The following C1QTNF7 variants were observed in gnomAD, a reference collection of about 807,000 sequenced individuals.
The protein encoded by C1QTNF7 is C1q and TNF related 7.
Under a neutral mutation model 19.6 loss-of-function variants are expected in C1QTNF7, and 15 were observed. The ratio of observed to expected loss-of-function variants is 0.76; its 90% confidence interval spans 0.51 to 1.18. The LOEUF is 1.18. C1QTNF7 is among the 50% of genes most tolerant of loss of function. The pLI is 0.00. For synonymous variants in C1QTNF7, 142 were observed against 137.5 expected (o/e 1.03, Z -0.23); for missense variants, 324 against 359.7 (o/e 0.90, Z 0.80).
chr4:15,348,463 G>T (rs1246280947), intron 1 of C1QTNF7, among the ~76,000 whole-genome samples: 1 of 152,146 alleles, frequency 6.6e-6, no homozygotes, highest in Non-Finnish European at 1.5e-5. Flanking sequence ...ACATTCCTCA[G>T]AGATATGTTA....
intron 1 of C1QTNF7, among the ~76,000 whole-genome samples, chr4:15,378,866 T>C (rs2108889097): frequency 6.6e-6 from 1 of 152,350 alleles, no homozygotes; most frequent in African/African-American, 2.4e-5. Flanking sequence ...TCTAAGTTAG[T>C]GGCCTACTCA....
At chr4:15,408,726 C>T (rs1283391256) in intron 1 of C1QTNF7, among the ~76,000 whole-genome samples, 1 of 152,138 alleles carries the variant, frequency 6.6e-6, no homozygotes, top group East Asian at 1.9e-4. Context: ...TCCAATCAGA[C>T]TATCTCATAG....
chr4:15,412,771 C>T (rs1173410194), intron 1 of C1QTNF7, among the ~76,000 whole-genome samples: 17 of 152,196 alleles, frequency 1.1e-4, no homozygotes, highest in Non-Finnish European at 1.5e-5. Context: ...GACACAAGTG[C>T]ATCTGCGTAA....
chr4:15,367,103 A>G (rs1053208635), intron 1 of C1QTNF7, among the ~76,000 whole-genome samples: 3 of 152,198 alleles, frequency 2.0e-5, no homozygotes, highest in African/African-American at 7.2e-5. Context: ...ATAAATCAGG[A>G]AGTGCTTCTT....
At chr4:15,359,262 T>A (rs1717255769) in intron 1 of C1QTNF7, among the ~76,000 whole-genome samples, 1 of 152,138 alleles carries the variant, frequency 6.6e-6, no homozygotes, top group Non-Finnish European at 1.5e-5. Flanking sequence ...TAGAAAACAC[T>A]ATGACAAGTC....
chr4:15,355,038 G>T (rs1485452492), intron 1 of C1QTNF7, among the ~76,000 whole-genome samples: 1 of 152,120 alleles, frequency 6.6e-6, no homozygotes, highest in Non-Finnish European at 1.5e-5. Context: ...AATTCAAGAA[G>T]GCTGTGCCAG....
chr4:15,374,099 C>A (rs547952213), intron 1 of C1QTNF7: 1 of 152,314 alleles, frequency 6.6e-6, no homozygotes, highest in East Asian at 1.9e-4. Context: ...GATCTCCAGC[C>A]CTTGCATCTG....
chr4:15,430,691 TC>T (rs1712264431), intron 1 of C1QTNF7, among the ~76,000 whole-genome samples: 1 of 152,232 alleles, frequency 6.6e-6, no homozygotes, highest in African/African-American at 2.4e-5. Flanking sequence ...CGTGATTTAT[TC>T]CCAGTCAAAA....
intron 1 of C1QTNF7, chr4:15,374,432 A>G (rs535660217): frequency 2.8e-4 from 111 of 401,618 alleles, no homozygotes; most frequent in Non-Finnish European, 3.5e-4. Context: ...CTATTTCCCA[A>G]ATATGATTTG....
At chr4:15,419,366 A>G (rs1711629108) in intron 1 of C1QTNF7, among the ~76,000 whole-genome samples, 1 of 152,232 alleles carries the variant, frequency 6.6e-6, no homozygotes, top group South Asian at 2.1e-4. Flanking sequence ...GAAGGGGGTT[A>G]AATAAATTAT....
In C1QTNF7 at chr4:15,443,011, C is replaced by G. The variant is rs866401958; in HGVS notation, c.*212C>G. ...TAAAGAATAGCCCCAGATATAAATT[C>G]TCTTGAAAGCAATGTTCATAAATAT... On this transcript the variant is annotated 3_prime_UTR_variant, in exon 3 of 3. Transcript: ENST00000444304. The G allele has an allele frequency of 7.2e-6, 3 of 415,252 alleles. No homozygotes were observed. The highest frequency in any genetic ancestry group is 1.2e-5 in the Non-Finnish European group (3 of 240,840). 25.7% of individuals were successfully genotyped at this position (415,252 alleles called of 1,614,324 possible).
At chr4:15,440,870 G>A (rs1052896714) in intron 2 of C1QTNF7, among the ~76,000 whole-genome samples, 2 of 152,100 alleles carry the variant, frequency 1.3e-5, no homozygotes, top group African/African-American at 4.8e-5. Context: ...CGGGCATGGC[G>A]GCTCAGGACT....
At chr4:15,393,243 A>G (rs991179362) in intron 1 of C1QTNF7, among the ~76,000 whole-genome samples, 4 of 152,194 alleles carry the variant, frequency 2.6e-5, no homozygotes, top group Admixed American at 6.5e-5. Context: ...ATGTGAGTCC[A>G]TTAAGCCTCT....
intron 2 of C1QTNF7, 124 bp from the exon 3 acceptor site, chr4:15,442,044 A>T: frequency 3.0e-6 from 3 of 985,750 alleles, no homozygotes; most frequent in Non-Finnish European, 4.4e-6. Flanking sequence ...TTTATTATTT[A>T]GTAGTACACT....
intron 1 of C1QTNF7, among the ~76,000 whole-genome samples, chr4:15,393,330 A>C (rs1358575137): frequency 2.0e-5 from 3 of 152,152 alleles, no homozygotes; most frequent in African/African-American, 7.2e-5. Flanking sequence ...TCTAGCTGGA[A>C]ACAACGTGGG....
chr4:15,425,463 T>C (rs1289521703), upstream of C1QTNF7, among the ~76,000 whole-genome samples: 3 of 152,158 alleles, frequency 2.0e-5, no homozygotes, highest in Admixed American at 6.5e-5. Context: ...GGCTTGCAGC[T>C]ACTGGAGATG....
intron 1 of C1QTNF7, among the ~76,000 whole-genome samples, chr4:15,404,098 T>G (rs1040809025): frequency 6.7e-6 from 1 of 149,480 alleles, no homozygotes; most frequent in Non-Finnish European, 1.5e-5. Context: ...TTTATTTAAG[T>G]AGTTTCTTTA....
chr4:15,345,990 C>A (rs571049021), intron 1 of C1QTNF7, among the ~76,000 whole-genome samples: 6 of 152,308 alleles, frequency 3.9e-5, no homozygotes, highest in African/African-American at 1.2e-4. Context: ...GTCACAGGGA[C>A]TCTCAGAAAG....
intron 1 of C1QTNF7, among the ~76,000 whole-genome samples, chr4:15,418,122 G>T (rs917946513): frequency 1.3e-5 from 2 of 152,200 alleles, no homozygotes; most frequent in Non-Finnish European, 2.9e-5. Context: ...TTAAACAAAA[G>T]TTTGTTGAAA....
Sources: gnomAD v4.1 joint callset for allele counts (sites outside exome capture counted in the v4.1 genomes callset) on GRCh38, gnomAD v4.1.1 for gene constraint, MANE v1.5 for transcripts, NCBI Gene and HGNC (gene_info 2026-07-23, HGNC 2026-07-21) for gene names.